The following CACNA2D1 variants were observed in gnomAD, a reference collection of about 807,000 sequenced individuals.
CACNA2D1 encodes the protein calcium voltage-gated channel auxiliary subunit alpha2delta 1, also known as voltage-dependent calcium channel subunit alpha-2/delta-1.
CACNA2D1 carries 53 observed loss-of-function variants against 171.5 expected under a neutral mutation model. The observed-to-expected ratio is 0.31, with a 90% confidence interval of 0.25 to 0.39. The LOEUF (loss-of-function observed/expected upper bound fraction) is 0.39, where lower values mean the gene tolerates loss of function less well. Among genes scored for constraint, CACNA2D1 ranks in the 10% least tolerant of loss-of-function variants. The probability of loss-of-function intolerance (pLI) is 1.00; values close to 1 mark genes in which losing one functional copy is unlikely to be tolerated. For missense variants in CACNA2D1, 903 were observed against 1,299.8 expected (o/e 0.69, Z 4.69); for synonymous variants, 442 against 443.1 (o/e 1.00, Z 0.03).
At chr7:82,350,748 TATTTGGAATTACTGA>T (rs1383652540) in intron 1 of CACNA2D1, among the ~76,000 whole-genome samples, 4 of 152,218 alleles carry the variant, frequency 2.6e-5, no homozygotes, top group Admixed American at 6.5e-5. Context: ...GATCCATTTA[TATTTGGAATTACTGA>T]ATTTGGAATT....
At chr7:81,952,932 TCAGTAAATATCTGGTAC>T (rs944270987) in intron 38 of CACNA2D1, among the ~76,000 whole-genome samples, 2 of 152,070 alleles carry the variant, frequency 1.3e-5, no homozygotes, top group Admixed American at 6.6e-5. Context: ...TCTTCTGGTA[TCAGTAAATATCTGGTAC>T]CAGTAAATAG....
At chr7:82,404,985 G>C (rs759445360) in intron 1 of CACNA2D1, among the ~76,000 whole-genome samples, 18 of 152,192 alleles carry the variant, frequency 1.2e-4, no homozygotes, top group Admixed American at 2.0e-4. Context: ...AGCTCATTTT[G>C]AGAGTTATTC....
At chr7:82,292,163 A>C (rs1374584764) in intron 3 of CACNA2D1, among the ~76,000 whole-genome samples, 1 of 152,060 alleles carries the variant, frequency 6.6e-6, no homozygotes, top group Non-Finnish European at 1.5e-5. Context: ...TTATTTTACA[A>C]CTTATTGATT....
chr7:82,146,983 C>CAAAAAAAAAA lies in CACNA2D1; in HGVS notation c.355-10317_355-10308dup, dbSNP rs764990586. 6.7e-4 allele frequency among the ~76,000 whole-genome samples: 17 copies of CAAAAAAAAAA among 25,502 alleles called. 1 individual carries two copies. The highest frequency in any genetic ancestry group is 8.4e-4 in the Admixed American group (1 of 1,190). The allele number at this position is 25,502 out of a possible 152,430, so 16.7% of individuals were successfully genotyped here. On this transcript the variant is annotated intron_variant, in intron 4 of 38. Coordinates refer to ENST00000356860, the MANE Select transcript of CACNA2D1 (RefSeq NM_000722.4). Reference sequence around the variant, plus strand: ...CTGGGTGATAGCAAGACTCCCATCTCAAAAAAAAAAAAAAAAAAAAAAAAA... The same window carrying CAAAAAAAAAA: ...CTGGGTGATAGCAAGACTCCCATCTCAAAAAAAAAAAAAAAAAAAAAAAAAAAAAAAAAAA...
rs200048074 is a variant in CACNA2D1, at chr7:81,986,525, T to TTTCA, written c.1797-1818_1797-1815dup. ...TAGGGAAAAACATAAAATTTCAAAATTTCATATGACTATAAATATTAAAAT... is the reference window on the plus strand; with the variant it reads ...TAGGGAAAAACATAAAATTTCAAAATTTCATTCATATGACTATAAATATTAAAAT... On this transcript the variant is annotated intron_variant, in intron 21 of 38. Transcript: ENST00000356860. 4.1e-5 allele frequency among the ~76,000 whole-genome samples: 4 copies of TTTCA among 96,996 alleles called. No homozygotes were observed. The East Asian group carries it at 9.9e-4, about 24-fold the overall frequency. 63.6% of individuals were successfully genotyped at this position (96,996 alleles called of 152,430 possible).
At chr7:82,384,526 G>T (rs949508591) in intron 1 of CACNA2D1, among the ~76,000 whole-genome samples, 3 of 151,896 alleles carry the variant, frequency 2.0e-5, no homozygotes, top group African/African-American at 7.3e-5. Context: ...CCAGTCTATG[G>T]TTTTTCTTAT....
intron 3 of CACNA2D1, among the ~76,000 whole-genome samples, chr7:82,281,748 T>C (rs1810127097): frequency 6.6e-6 from 1 of 152,148 alleles, no homozygotes; most frequent in African/African-American, 2.4e-5. Flanking sequence ...AAATATCAAA[T>C]GTACGTGTCA....
chr7:82,169,551 T>C (rs1304731766), intron 4 of CACNA2D1, among the ~76,000 whole-genome samples: 1 of 152,066 alleles, frequency 6.6e-6, no homozygotes, highest in African/African-American at 2.4e-5. Context: ...TGCATTTTCC[T>C]TTGATATTCA....
intron 1 of CACNA2D1, among the ~76,000 whole-genome samples, chr7:82,363,580 T>C (rs142951228): frequency 5.0e-4 from 76 of 152,256 alleles, no homozygotes; most frequent in African/African-American, 1.6e-3. Context: ...GTCTTTATCC[T>C]TAGATTTAAC....
At chr7:82,123,400 G>A (rs1049744278) in intron 5 of CACNA2D1, among the ~76,000 whole-genome samples, 3 of 152,134 alleles carry the variant, frequency 2.0e-5, no homozygotes, top group African/African-American at 7.2e-5. Flanking sequence ...CCTACTGCAA[G>A]AACACTGTAA....
chr7:82,287,788 T>C (rs900583162), intron 3 of CACNA2D1, among the ~76,000 whole-genome samples: 4 of 152,104 alleles, frequency 2.6e-5, no homozygotes, highest in African/African-American at 9.7e-5. Flanking sequence ...CATAAAAGTA[T>C]AAAGCTCTGA....
chr7:82,013,979 C>T (rs1047227365), intron 13 of CACNA2D1, among the ~76,000 whole-genome samples: 1 of 151,914 alleles, frequency 6.6e-6, no homozygotes, highest in Middle Eastern at 3.4e-3. Flanking sequence ...GAGCTCACTG[C>T]AAATATTTGA....
intron 4 of CACNA2D1, among the ~76,000 whole-genome samples, chr7:82,160,864 A>G (rs115781269): frequency 2.6e-5 from 4 of 152,198 alleles, no homozygotes; most frequent in African/African-American, 9.6e-5. Context: ...TTATTTGCCT[A>G]TGTGTATGCT....
rs1406159281 is a variant in CACNA2D1, at chr7:81,949,215, T to C, written c.*1177A>G. ...AAATAAATGTGTCAAATCTGATTTA[T>C]GTACTTAAAATATCTGTACATAGGT... On this transcript the variant is annotated 3_prime_UTR_variant, in exon 39 of 39. Transcript: ENST00000356860. 6.6e-6 allele frequency: 1 copy of C among 152,120 alleles called. No individual in the cohort carries two copies. Among genetic ancestry groups the C allele is most frequent in the Non-Finnish European group, 1.5e-5 (1 of 67,968 alleles). The allele number at this position is 152,120 out of a possible 1,614,324, so 9.4% of individuals were successfully genotyped here. A position where few individuals can be genotyped will look rare whatever the true frequency, so the allele number is the denominator to read the frequency against.
intron 24 of CACNA2D1, among the ~76,000 whole-genome samples, chr7:81,978,496 G>A (rs542012553): frequency 5.9e-5 from 9 of 151,948 alleles, no homozygotes; most frequent in South Asian, 4.2e-4. Flanking sequence ...AACAAACACC[G>A]CATGTTCTCA....
intron 4 of CACNA2D1, among the ~76,000 whole-genome samples, chr7:82,168,526 G>A (rs1795699071): frequency 6.6e-6 from 1 of 151,974 alleles, no homozygotes; most frequent in South Asian, 2.1e-4. Flanking sequence ...AATAAAATAT[G>A]GTAATAGCAA....
chr7:82,188,302 T>C (rs145632818), intron 3 of CACNA2D1, among the ~76,000 whole-genome samples: 2,108 of 152,044 alleles, frequency 0.014, 30 homozygotes, highest in Middle Eastern at 0.058. Flanking sequence ...GTAAAGAAGG[T>C]AGGAAGCAAA....
At chr7:82,316,566 GAAAGA>G (rs1815140566) in intron 3 of CACNA2D1, among the ~76,000 whole-genome samples, 1 of 152,052 alleles carries the variant, frequency 6.6e-6, no homozygotes, top group Non-Finnish European at 1.5e-5. Flanking sequence ...TGTTCTATCT[GAAAGA>G]AAAGAAAACT....
intron 4 of CACNA2D1, among the ~76,000 whole-genome samples, chr7:82,145,263 A>G (rs937703359): frequency 1.4e-5 from 2 of 145,924 alleles, no homozygotes; most frequent in Non-Finnish European, 3.0e-5. Context: ...TAAATTATAT[A>G]AAATATATAA....
Sources: gnomAD v4.1 joint callset for allele counts (sites outside exome capture counted in the v4.1 genomes callset) on GRCh38, gnomAD v4.1.1 for gene constraint, MANE v1.5 for transcripts, NCBI Gene and HGNC (gene_info 2026-07-23, HGNC 2026-07-21) for gene names.